LSAMP: variants seen among roughly 807,000 people sequenced by gnomAD.
LSAMP encodes limbic system-associated membrane protein.
Under a neutral mutation model 38.6 loss-of-function variants are expected in LSAMP, and 7 were observed. The observed-to-expected ratio is 0.18, with a 90% CI of 0.10 to 0.34. The LOEUF (loss-of-function observed/expected upper bound fraction) is 0.34. Among genes scored for constraint, LSAMP ranks in the 10% least tolerant of loss-of-function variants. LSAMP has a pLI of 1.00. For missense variants in LSAMP, 313 were observed against 420.0 expected (o/e 0.75, Z 2.23); for synonymous variants, 154 against 166.8 (o/e 0.92, Z 0.59).
intron 1 of LSAMP, among the ~76,000 whole-genome samples, chr3:116,393,842 T>A (rs773091741): frequency 6.6e-6 from 1 of 152,194 alleles, no homozygotes; most frequent in Non-Finnish European, 1.5e-5. Flanking sequence ...CTAACTAGCT[T>A]CTGGTATATT....
chr3:116,284,691 T>C lies in LSAMP; in HGVS notation c.155+160186A>G, dbSNP rs535466842. 3.3e-5 allele frequency among the ~76,000 whole-genome samples: 5 copies of C among 152,332 alleles called. No individual in the cohort carries two copies. In the South Asian group the frequency reaches 1.0e-3, roughly 32 times the overall value. The stretch of plus-strand genomic sequence containing the variant: ...AATTCCTTGATGGCTGTCATCCTGC[T>C]GTATATAAGACAGCCCACCAGGAAA... On this transcript the variant is annotated intron_variant, in intron 1 of 6. Coordinates refer to ENST00000490035, the MANE Select transcript of LSAMP (RefSeq NM_002338.5).
At chr3:116,407,671 G>GAC (rs2048914500) in intron 1 of LSAMP, among the ~76,000 whole-genome samples, 1 of 152,020 alleles carries the variant, frequency 6.6e-6, no homozygotes, top group Non-Finnish European at 1.5e-5. Context: ...CATGACTATG[G>GAC]TACATGATTT....
chr3:116,019,658 A>C lies in LSAMP; in HGVS notation c.389-18T>G, dbSNP rs749745601. ...TGGTGGGACTGTGAAAACAAAAGGAAATGGAATATGTAACCATGTCAGTAA... is the reference window on the plus strand; with the variant it reads ...TGGTGGGACTGTGAAAACAAAAGGACATGGAATATGTAACCATGTCAGTAA... On this transcript the variant is annotated intron_variant, in intron 2 of 6. Coordinates refer to ENST00000490035, the MANE Select transcript of LSAMP (RefSeq NM_002338.5). The C allele has an allele frequency of 1.9e-6, 3 of 1,608,254 alleles. No individual in the cohort carries two copies. The highest frequency in any genetic ancestry group is 3.3e-5 in the Admixed American group (2 of 59,858).
intron 3 of LSAMP, among the ~76,000 whole-genome samples, chr3:115,900,332 T>C (rs1936840914): frequency 6.6e-6 from 1 of 151,924 alleles, no homozygotes; most frequent in Non-Finnish European, 1.5e-5. Context: ...CTGGCCAACA[T>C]GGTGAAACCC....
chr3:116,120,174 T>C, intron 1 of LSAMP, among the ~76,000 whole-genome samples: 1 of 152,054 alleles, frequency 6.6e-6, no homozygotes, highest in East Asian at 1.9e-4. Context: ...AGCCAAGAAA[T>C]TTCAAATAAG....
intron 2 of LSAMP, among the ~76,000 whole-genome samples, chr3:116,026,090 AT>A (rs1940785746): frequency 6.6e-6 from 1 of 151,912 alleles, no homozygotes; most frequent in South Asian, 2.1e-4. Flanking sequence ...GGGCCTACAT[AT>A]TTTTTTTCTA....
chr3:115,816,600 A>T (rs1415073281), intron 6 of LSAMP: 1 of 1,284,742 alleles, frequency 7.8e-7, no homozygotes, highest in African/African-American at 1.5e-5. Context: ...GGTAACCAAA[A>T]ATAAGAACCA....
intron 1 of LSAMP, among the ~76,000 whole-genome samples, chr3:116,155,679 C>T (rs1318579268): frequency 1.3e-5 from 2 of 151,810 alleles, no homozygotes; most frequent in Admixed American, 6.6e-5. Context: ...AACATACATA[C>T]ATATATATAC....
Position 116,310,380 on chromosome 3 carries a change from T to C in LSAMP, c.155+134497A>G, listed in dbSNP as rs966880591. Among the ~76,000 whole-genome samples the C allele has an allele frequency of 2.0e-5, 3 of 152,196 alleles. No homozygotes were observed. The East Asian group carries it at 5.8e-4, about 29-fold the overall frequency. The stretch of plus-strand genomic sequence containing the variant: ...GCTCTTGCAAAACTAAGTCAGGTTC[T>C]GGAAGGTGCCGATTCTCAGTCAAGA... On this transcript the variant is annotated intron_variant, in intron 1 of 6. Coordinates refer to ENST00000490035, the MANE Select transcript of LSAMP (RefSeq NM_002338.5).
chr3:115,904,132 TAAAG>T (rs1401409831), intron 3 of LSAMP, among the ~76,000 whole-genome samples: 2 of 152,118 alleles, frequency 1.3e-5, no homozygotes, highest in East Asian at 1.9e-4. Flanking sequence ...AAGCAACAAA[TAAAG>T]ATAGGAATTA....
At chr3:116,140,339 TA>T (rs1361627890) in intron 1 of LSAMP, among the ~76,000 whole-genome samples, 1 of 151,838 alleles carries the variant, frequency 6.6e-6, no homozygotes. Flanking sequence ...TGTTTTTTTT[TA>T]TGGGGCCATA....
intron 3 of LSAMP, among the ~76,000 whole-genome samples, chr3:115,901,792 G>T (rs1936881425): frequency 6.6e-6 from 1 of 151,600 alleles, no homozygotes; most frequent in South Asian, 2.1e-4. Flanking sequence ...TTAATTCCTG[G>T]GCATATATAA....
chr3:116,308,288 C>G (rs963719353), intron 1 of LSAMP, among the ~76,000 whole-genome samples: 3 of 151,970 alleles, frequency 2.0e-5, no homozygotes, highest in African/African-American at 7.2e-5. Flanking sequence ...TTACAATAAA[C>G]CCTTTCTCAG....
intron 3 of LSAMP, among the ~76,000 whole-genome samples, chr3:115,893,958 C>G (rs1936666089): frequency 6.6e-6 from 1 of 151,960 alleles, no homozygotes; most frequent in Admixed American, 6.6e-5. Flanking sequence ...GACAGATTGT[C>G]ATCACTTCAA....
At chr3:115,930,368 G>T (rs953220134) in intron 3 of LSAMP, among the ~76,000 whole-genome samples, 41 of 152,214 alleles carry the variant, frequency 2.7e-4, no homozygotes, top group African/African-American at 9.9e-4. Flanking sequence ...TATTATCTGA[G>T]CCCCTCCTTG....
At chr3:116,033,537 A>G (rs568634614) in intron 2 of LSAMP, among the ~76,000 whole-genome samples, 12 of 152,144 alleles carry the variant, frequency 7.9e-5, no homozygotes, top group Non-Finnish European at 1.6e-4. Context: ...TCCCGGTCTC[A>G]CACATAAACA....
intron 1 of LSAMP, among the ~76,000 whole-genome samples, chr3:116,346,781 T>C (rs73861636): frequency 0.018 from 2,678 of 152,276 alleles, 81 homozygotes; most frequent in African/African-American, 0.062. Flanking sequence ...CAACAAACAT[T>C]CATTAAGTAC....
intron 1 of LSAMP, among the ~76,000 whole-genome samples, chr3:116,390,128 TGTATACACACACACAC>T (rs1473149663): frequency 1.6e-5 from 2 of 127,954 alleles, no homozygotes. Flanking sequence ...TATGTATGTA[TGTATACACACACACAC>T]ACACACACAC....
In LSAMP at chr3:115,925,082, C is replaced by T. The variant is rs768031021; in HGVS notation, c.515-72465G>A. 4.8e-4 allele frequency among the ~76,000 whole-genome samples: 73 copies of T among 152,148 alleles called. 1 individual carries two copies. The highest frequency in any genetic ancestry group is 1.9e-4 in the Non-Finnish European group (13 of 68,020). On this transcript the variant is annotated intron_variant, in intron 3 of 6. Transcript: ENST00000490035. ...CTGCTCCTTGGTTCTGCCTGGGTTT[C>T]CTTCCAAGTCCACTCTTTGAGGGGT...
Sources: gnomAD v4.1 joint callset for allele counts (sites outside exome capture counted in the v4.1 genomes callset) on GRCh38, gnomAD v4.1.1 for gene constraint, MANE v1.5 for transcripts, NCBI Gene and HGNC (gene_info 2026-07-23, HGNC 2026-07-21) for gene names.